The following RBM28 variants were observed in gnomAD, a reference collection of about 807,000 sequenced individuals.
RBM28 encodes RNA binding motif protein 28.
RBM28 carries 78 observed loss-of-function variants against 98.3 expected under a neutral mutation model. The observed-to-expected ratio is 0.79, with a 90% CI of 0.66 to 0.96. The LOEUF (loss-of-function observed/expected upper bound fraction) is 0.96. RBM28 is among the 40% of genes least tolerant of loss of function. RBM28 has a pLI of 0.00. For synonymous variants in RBM28, 306 were observed against 330.9 expected (o/e 0.92, Z 0.82); for missense variants, 838 against 913.0 (o/e 0.92, Z 1.06).
At chr7:128,320,681 T>C (rs1313963297) in intron 14 of RBM28, among the ~76,000 whole-genome samples, 1 of 152,246 alleles carries the variant, frequency 6.6e-6, no homozygotes, top group African/African-American at 2.4e-5. Context: ...ATTCACATGA[T>C]AGCACAAAGT....
Position 128,302,855 on chromosome 7 carries a change from CT to C in RBM28, c.*7941del, listed in dbSNP as rs1795800279. Reference sequence around the variant, plus strand: ...TGGTACAACCATAGCTCACTGCAGCCTCAAACTCCTGGGCTCAAGCAATCCT... The same window carrying C: ...TGGTACAACCATAGCTCACTGCAGCCCAAACTCCTGGGCTCAAGCAATCCT... On this transcript the variant is annotated 3_prime_UTR_variant, in exon 19 of 19. Coordinates refer to ENST00000223073, the MANE Select transcript of RBM28 (RefSeq NM_018077.3). 6.6e-6 allele frequency: 1 copy of C among 152,262 alleles called. No individual in the cohort carries two copies. The allele number at this position is 152,262 out of a possible 1,614,324, so 9.4% of individuals were successfully genotyped here.
rs943409700 is a variant in RBM28, at chr7:128,306,422, T to G, written c.*4375A>C. 1 of 152,240 alleles carries G rather than the reference T, an allele frequency of 6.6e-6. No individual in the cohort carries two copies. The highest frequency in any genetic ancestry group is 6.5e-5 in the Admixed American group (1 of 15,286). 9.4% of individuals were successfully genotyped at this position (152,240 alleles called of 1,614,324 possible). On this transcript the variant is annotated 3_prime_UTR_variant, in exon 19 of 19. Transcript: ENST00000223073. Reference sequence around the variant, plus strand: ...CTCTGTTGTCCTTCACAAGCCCAGCTAGGCCCTGGAACAAATGGCCTTTAG... The same window carrying G: ...CTCTGTTGTCCTTCACAAGCCCAGCGAGGCCCTGGAACAAATGGCCTTTAG...
chr7:128,341,501 A>G (rs1338650575), intron 1 of RBM28, among the ~76,000 whole-genome samples: 1 of 152,264 alleles, frequency 6.6e-6, no homozygotes, highest in Non-Finnish European at 1.5e-5. Flanking sequence ...AGGTGAAGTG[A>G]CATGCACTGC....
At chr7:128,320,224 AAAAAAAAAAAAG>A (rs1225301111) in intron 14 of RBM28, among the ~76,000 whole-genome samples, 1 of 115,624 alleles carries the variant, frequency 8.6e-6, no homozygotes, top group African/African-American at 3.6e-5. Context: ...TCAAAAAAAA[AAAAAAAAAAAAG>A]AAAGAAAGAA....
Position 128,340,835 on chromosome 7 carries a change from T to C in RBM28, c.119-1044A>G, listed in dbSNP as rs553142821. On this transcript the variant is annotated intron_variant, in intron 1 of 18. Transcript: ENST00000223073. ...CACCTCAAAATAGGTAAAGCAAATA[T>C]TATCACCCCTTCTTTCCAAGTAAGT... 1.8e-3 allele frequency among the ~76,000 whole-genome samples: 275 copies of C among 152,324 alleles called. 1 individual carries two copies. The highest frequency in any genetic ancestry group is 6.4e-3 in the African/African-American group (266 of 41,578).
intron 10 of RBM28, among the ~76,000 whole-genome samples, chr7:128,328,946 CTTT>C (rs747646308): frequency 7.1e-6 from 1 of 140,336 alleles, no homozygotes; most frequent in Non-Finnish European, 1.6e-5. Flanking sequence ...TTATTCACAT[CTTT>C]TTTTTTTTTT....
intron 14 of RBM28, among the ~76,000 whole-genome samples, chr7:128,318,833 AC>A (rs1796162139): frequency 6.6e-6 from 1 of 152,236 alleles, no homozygotes; most frequent in Admixed American, 6.5e-5. Flanking sequence ...CACAGATCTT[AC>A]AACTGAAAAA....
chr7:128,333,516 G>C (rs1029344458), intron 8 of RBM28, among the ~76,000 whole-genome samples, 154 bp from the exon 9 acceptor site: 1 of 152,140 alleles, frequency 6.6e-6, no homozygotes, highest in South Asian at 2.1e-4. Context: ...TCAGGAGTTC[G>C]AGACCAGCCT....
chr7:128,331,879 C>T (rs1796487822), intron 9 of RBM28, among the ~76,000 whole-genome samples: 1 of 152,156 alleles, frequency 6.6e-6, no homozygotes, highest in Non-Finnish European at 1.5e-5. Context: ...ATGAATGATT[C>T]TATTTCATGG....
rs1407042166 is a variant in RBM28 at position 128,326,342 on chromosome 7, T to C, written c.1130-451A>G. ...AAAAAAGTACAGCCATGTACTTGCATAAGGACGTTTTGGTCAGTGACAGAC... is the reference window on the plus strand; with the variant it reads ...AAAAAAGTACAGCCATGTACTTGCACAAGGACGTTTTGGTCAGTGACAGAC... On this transcript the variant is annotated intron_variant, in intron 10 of 18. Transcript: ENST00000223073. Among the ~76,000 whole-genome samples, 5 of 150,772 alleles carry C rather than the reference T, an allele frequency of 3.3e-5. No homozygotes were observed. The South Asian group carries it at 1.1e-3, about 32-fold the overall frequency.
rs1795823270 is a variant in RBM28 at position 128,304,378 on chromosome 7, TA to T, written c.*6418del. On this transcript the variant is annotated 3_prime_UTR_variant, in exon 19 of 19. Coordinates refer to ENST00000223073, the MANE Select transcript of RBM28 (RefSeq NM_018077.3). ...ATTTCATGGAATGGATATGGGCTGT[TA>T]CTCAGTGAAAAGACACATGAGATGG... 6.6e-6 allele frequency: 1 copy of T among 152,214 alleles called. No individual in the cohort carries two copies. Among genetic ancestry groups the T allele is most frequent in the South Asian group, 2.1e-4 (1 of 4,832 alleles). The allele number at this position is 152,214 out of a possible 1,614,324, so 9.4% of individuals were successfully genotyped here.
intron 12 of RBM28, among the ~76,000 whole-genome samples, chr7:128,324,186 T>C (rs911311677): frequency 6.6e-6 from 1 of 152,224 alleles, no homozygotes; most frequent in Non-Finnish European, 1.5e-5. Flanking sequence ...AAGGAAAGTA[T>C]TGGGTGCACA....
intron 9 of RBM28, among the ~76,000 whole-genome samples, chr7:128,332,702 C>T (rs1040217159): frequency 2.0e-5 from 3 of 152,076 alleles, no homozygotes; most frequent in African/African-American, 4.8e-5. Context: ...ACTCTAAAAT[C>T]GGATGCAAAT....
In RBM28 at chr7:128,332,675, A is replaced by C. The variant is rs183639261; in HGVS notation, c.1019+615T>G. 2.5e-3 allele frequency among the ~76,000 whole-genome samples: 387 copies of C among 152,308 alleles called. 1 individual carries two copies. Among genetic ancestry groups the C allele is most frequent in the African/African-American group, 8.9e-3 (369 of 41,580 alleles). On this transcript the variant is annotated intron_variant, in intron 9 of 18. Coordinates refer to ENST00000223073, the MANE Select transcript of RBM28 (RefSeq NM_018077.3). ...GAAAATAATTCTAAAAGATTGTACA[A>C]GAAGATAAAATATATAACTCTAAAA... is the stretch of plus-strand genomic sequence containing the variant.
intron 12 of RBM28, 147 bp from the exon 13 acceptor site, chr7:128,323,738 G>A: frequency 1.2e-6 from 1 of 803,690 alleles, no homozygotes. Context: ...GTTAGGTCCA[G>A]AAATAGGCTA....
rs758457548 is a variant in RBM28 at position 128,323,562 on chromosome 7, C to T, written c.1369G>A (p.Gly457Ser). ...LIRAGTKAAE[G>S]VSAADMAKRE... The stretch of plus-strand genomic sequence containing the variant: ...TTGGCCATATCAGCAGCACTCACAC[C>T]CTCTGCAGCCTTCGTCCCAGCACGA... Residue 457 changes from glycine (G) to serine (S), a missense_variant, in exon 13 of 19, where the codon GGT becomes AGT. Coordinates refer to ENST00000223073, the MANE Select transcript of RBM28 (RefSeq NM_018077.3). 1.9e-6 allele frequency: 3 copies of T among 1,614,228 alleles called. No homozygotes were observed. The highest frequency in any genetic ancestry group is 3.3e-5 in the Admixed American group (2 of 60,034).
chr7:128,323,501 T>C, intron 13 of RBM28, 26 bp downstream of exon 13: 1 of 1,613,604 alleles, frequency 6.2e-7, no homozygotes, highest in Non-Finnish European at 8.5e-7. Flanking sequence ...ACGCAGAACG[T>C]GAAGGTCAAT....
At position 128,335,659 on chromosome 7, in the gene RBM28, G is replaced by A. The variant is rs1243588969; in HGVS notation, c.830C>T (p.Pro277Leu). Residue 277 changes from proline (P) to leucine (L), a missense_variant, in exon 8 of 19, where the codon CCT (proline) becomes CTT (leucine). By Grantham distance (98) the Pro-to-Leu change is moderately conservative. Coordinates refer to ENST00000223073, the MANE Select transcript of RBM28 (RefSeq NM_018077.3). ...CTCAGAATGATCACTGCTTTTTGCA[G>A]GGGCTGGTCTCTTGACTGCTCTGCA... ...IQKRAVKRPAPAKSSDHSEED... is the reference protein window; with the variant it reads ...IQKRAVKRPALAKSSDHSEED... 12 of 1,614,046 alleles carry A rather than the reference G, an allele frequency of 7.4e-6. No individual in the cohort carries two copies. Among genetic ancestry groups the A allele is most frequent in the Non-Finnish European group, 1.0e-5 (12 of 1,180,016 alleles).
At chr7:128,339,471 G>T in intron 2 of RBM28, 150 bp from the exon 3 acceptor site, 1 of 1,177,160 alleles carries the variant, frequency 8.5e-7, no homozygotes, top group Non-Finnish European at 1.2e-6. Context: ...TTTTTCCAAA[G>T]AACTAAAATG....
Sources: gnomAD v4.1 joint callset for allele counts (sites outside exome capture counted in the v4.1 genomes callset) on GRCh38, gnomAD v4.1.1 for gene constraint, MANE v1.5 for transcripts, NCBI Gene and HGNC (gene_info 2026-07-23, HGNC 2026-07-21) for gene names.